DOK7: variants seen among roughly 807,000 people sequenced by gnomAD.
The protein encoded by DOK7 is docking protein 7.
In DOK7, 32 loss-of-function variants were observed where a neutral mutation model predicts 30.7. The observed-to-expected ratio is 1.04, with a 90% CI of 0.79 to 1.40. The LOEUF (loss-of-function observed/expected upper bound fraction) is 1.40. Among genes scored for constraint, DOK7 ranks in the 40% most tolerant of loss-of-function variants. The pLI is 0.00. For synonymous variants in DOK7, 447 were observed against 324.1 expected (o/e 1.38, Z -4.07); for missense variants, 1,007 against 699.2 (o/e 1.44, Z -4.97).
At chr4:3,496,629 T>C (rs571690762), downstream of DOK7, among the ~76,000 whole-genome samples, 2 of 151,804 alleles carry the variant, frequency 1.3e-5, no homozygotes, top group African/African-American at 4.8e-5. Context: ...GGCCCGGAGA[T>C]CTGGGGGCTG....
chr4:3,500,042 G>A (rs1729114732), intron 6 of DOK7, among the ~76,000 whole-genome samples: 1 of 127,020 alleles, frequency 7.9e-6, no homozygotes, highest in Non-Finnish European at 1.7e-5. Flanking sequence ...ACTTGGACCA[G>A]GAGTGGACAG....
At chr4:3,471,661 A>T (rs1726775655) in intron 2 of DOK7, among the ~76,000 whole-genome samples, 2 of 152,212 alleles carry the variant, frequency 1.3e-5, no homozygotes, top group South Asian at 4.1e-4. Context: ...CATTTGAGGG[A>T]CATTGCTGTT....
At chr4:3,479,993 G>T (rs189518310) in intron 4 of DOK7, among the ~76,000 whole-genome samples, 2 of 152,242 alleles carry the variant, frequency 1.3e-5, no homozygotes, top group African/African-American at 4.8e-5. Context: ...ACTGGGCCCC[G>T]CCTTCGGGGA....
At chr4:3,498,520 G>A (rs368122642), downstream of DOK7, among the ~76,000 whole-genome samples, 338 of 152,278 alleles carry the variant, frequency 2.2e-3, 1 homozygote, top group African/African-American at 7.4e-3. Context: ...CAGCCCCACC[G>A]TGGGCAAGCC....
chr4:3,498,620 C>T (rs1244990035), downstream of DOK7, among the ~76,000 whole-genome samples: 1 of 152,132 alleles, frequency 6.6e-6, no homozygotes, highest in Non-Finnish European at 1.5e-5. Context: ...CCCCACCTGC[C>T]TCTCCCACCA....
chr4:3,478,992 G>A (rs1031504435), intron 4 of DOK7, among the ~76,000 whole-genome samples: 13 of 152,278 alleles, frequency 8.5e-5, no homozygotes, highest in East Asian at 1.9e-4. Flanking sequence ...CAGGGGCAGC[G>A]GCATCAGCTT....
At chr4:3,494,996 G>A (rs149432777), downstream of DOK7, among the ~76,000 whole-genome samples, 408 of 152,320 alleles carry the variant, frequency 2.7e-3, 2 homozygotes, top group Middle Eastern at 6.8e-3. Context: ...GACTCTGAGC[G>A]GGGAGTTCTG....
chr4:3,488,525 G>A (rs570087905), intron 5 of DOK7, among the ~76,000 whole-genome samples: 4 of 152,176 alleles, frequency 2.6e-5, no homozygotes, highest in Non-Finnish European at 2.9e-5. Flanking sequence ...TCCAGCCTCC[G>A]CCAGGCTGGG....
chr4:3,499,086 G>C (rs938591734), downstream of DOK7, among the ~76,000 whole-genome samples: 9 of 152,252 alleles, frequency 5.9e-5, no homozygotes, highest in African/African-American at 2.2e-4. Context: ...GTGGATGTCT[G>C]CGGCAGGTGC....
At chr4:3,483,023 C>T (rs943113800) in intron 4 of DOK7, among the ~76,000 whole-genome samples, 1 of 151,304 alleles carries the variant, frequency 6.6e-6, no homozygotes, top group Non-Finnish European at 1.5e-5. Context: ...CGTTATGTGG[C>T]CTGAGTCTGG....
At position 3,493,522 on chromosome 4, in the gene DOK7, C is replaced by T. The variant is rs766226536; in HGVS notation, c.*21C>T. 91 of 1,607,816 alleles carry T rather than the reference C, an allele frequency of 5.7e-5. No individual in the cohort carries two copies. The highest frequency in any genetic ancestry group is 6.6e-5 in the Non-Finnish European group (78 of 1,177,758). On this transcript the variant is annotated 3_prime_UTR_variant, in exon 7 of 7. Coordinates refer to ENST00000340083, the MANE Select transcript of DOK7 (RefSeq NM_173660.5). The stretch of plus-strand genomic sequence containing the variant: ...CTTGAGAGCCGCAGATCCCGCCCCG[C>T]GGCTGCAAAGGGGCTGAATTTGCCC...
intron 2 of DOK7, among the ~76,000 whole-genome samples, chr4:3,472,137 C>G (rs1251616501): frequency 6.6e-6 from 1 of 152,214 alleles, no homozygotes; most frequent in East Asian, 1.9e-4. Context: ...ACACAGACCC[C>G]CTGGCTCTGC....
downstream of DOK7, among the ~76,000 whole-genome samples, chr4:3,497,409 G>C (rs894463620): frequency 6.6e-6 from 1 of 152,000 alleles, no homozygotes; most frequent in Admixed American, 6.6e-5. Context: ...GGTTGGGAGG[G>C]AGGGCCAGGC....
chr4:3,487,580 A>G (rs1025577179), intron 5 of DOK7, among the ~76,000 whole-genome samples: 1 of 152,156 alleles, frequency 6.6e-6, no homozygotes, highest in Admixed American at 6.5e-5. Flanking sequence ...GGGGTCCACC[A>G]TGCTCCGAGT....
chr4:3,500,276 C>T (rs1424776786), exon 7 of DOK7: 1 of 1,535,912 alleles, frequency 6.5e-7, no homozygotes, highest in Admixed American at 2.0e-5. Context: ...TGGCTGTGGA[C>T]AGCCCAGGAC....
At chr4:3,495,732 A>G (rs531227484), downstream of DOK7, among the ~76,000 whole-genome samples, 1 of 152,120 alleles carries the variant, frequency 6.6e-6, no homozygotes, top group South Asian at 2.1e-4. Flanking sequence ...CTGGCCAGGC[A>G]GGGGACAGGG....
chr4:3,493,605 G>C lies in DOK7; in HGVS notation c.*104G>C, dbSNP rs1484176952. 1.3e-6 allele frequency: 2 copies of C among 1,523,504 alleles called. No homozygotes were observed. Among genetic ancestry groups the C allele is most frequent in the African/African-American group, 2.8e-5 (2 of 72,124 alleles). 94.4% of individuals were successfully genotyped at this position (1,523,504 alleles called of 1,614,324 possible). ...TGCAGACTGGTGCTCTGTGTTCTGT[G>C]GGAGGGACCGGGGGTCTCCCGGAGA... On this transcript the variant is annotated 3_prime_UTR_variant, in exon 7 of 7. Transcript: ENST00000340083.
At chr4:3,482,804 G>A (rs1458374756) in intron 4 of DOK7, among the ~76,000 whole-genome samples, 5 of 151,906 alleles carry the variant, frequency 3.3e-5, no homozygotes, top group Admixed American at 6.5e-5. Context: ...GCCGAGCACT[G>A]GGGGTCTCCT....
intron 4 of DOK7, among the ~76,000 whole-genome samples, chr4:3,482,799 G>GGTCTTTC (rs1727512487): frequency 6.6e-6 from 1 of 152,212 alleles, no homozygotes; most frequent in Admixed American, 6.5e-5. Flanking sequence ...CCAAGGCCGA[G>GGTCTTTC]CACTGGGGGT....
Sources: gnomAD v4.1 joint callset for allele counts (sites outside exome capture counted in the v4.1 genomes callset) on GRCh38, gnomAD v4.1.1 for gene constraint, MANE v1.5 for transcripts, NCBI Gene and HGNC (gene_info 2026-07-23, HGNC 2026-07-21) for gene names.